SLC9A9: variants seen among roughly 807,000 people sequenced by gnomAD.
The protein encoded by SLC9A9 is solute carrier family 9 member A9.
A neutral mutation model predicts 77.8 loss-of-function variants in SLC9A9; 62 were observed. The ratio of observed to expected loss-of-function variants is 0.80; its 90% CI spans 0.65 to 0.98. The LOEUF is 0.98. SLC9A9 is among the 50% of genes least tolerant of loss of function. The probability of loss-of-function intolerance (pLI) is 0.00; values close to 1 mark genes in which losing one functional copy is unlikely to be tolerated. For synonymous variants in SLC9A9, 320 were observed against 283.5 expected (o/e 1.13, Z -1.29); for missense variants, 775 against 774.9 (o/e 1.00, Z 0.00).
At chr3:143,838,095 C>A (rs1460553264) in intron 1 of SLC9A9, among the ~76,000 whole-genome samples, 2 of 152,194 alleles carry the variant, frequency 1.3e-5, no homozygotes, top group Admixed American at 6.5e-5. Flanking sequence ...CTGTTACTTG[C>A]AACTGAATGC....
intron 4 of SLC9A9, among the ~76,000 whole-genome samples, chr3:143,705,035 C>CTATA (rs1933927970): frequency 6.4e-5 from 2 of 31,112 alleles, no homozygotes; most frequent in African/African-American, 1.1e-4. Flanking sequence ...ATCTATCTAT[C>CTATA]TATCTATATA....
intron 9 of SLC9A9, among the ~76,000 whole-genome samples, chr3:143,549,488 C>T (rs1335988448): frequency 1.3e-5 from 2 of 152,088 alleles, no homozygotes; most frequent in East Asian, 3.9e-4. Context: ...ATTTATTAAG[C>T]TTCTGCTATG....
At chr3:143,623,736 C>T (rs1225002251) in intron 6 of SLC9A9, among the ~76,000 whole-genome samples, 7 of 151,988 alleles carry the variant, frequency 4.6e-5, no homozygotes, top group East Asian at 1.9e-4. Context: ...CATTCAAAAG[C>T]GAGCAGAAGG....
intron 8 of SLC9A9, among the ~76,000 whole-genome samples, chr3:143,564,450 C>T (rs1280128846): frequency 6.6e-6 from 1 of 152,088 alleles, no homozygotes; most frequent in Non-Finnish European, 1.5e-5. Flanking sequence ...ATGTGTCTTG[C>T]ACTCAGATGG....
At chr3:143,593,855 A>G (rs183603147) in intron 6 of SLC9A9, among the ~76,000 whole-genome samples, 4 of 152,330 alleles carry the variant, frequency 2.6e-5, no homozygotes, top group South Asian at 2.1e-4. Context: ...AACCTCAACC[A>G]TGGGAAAAGT....
intron 12 of SLC9A9, among the ~76,000 whole-genome samples, chr3:143,462,764 A>G (rs1336667696): frequency 6.6e-6 from 1 of 152,206 alleles, no homozygotes; most frequent in Non-Finnish European, 1.5e-5. Flanking sequence ...TTGGTTTAAA[A>G]AGTACATTTC....
At chr3:143,465,126 C>A (rs1215413399) in intron 12 of SLC9A9, among the ~76,000 whole-genome samples, 1 of 152,254 alleles carries the variant, frequency 6.6e-6, no homozygotes, top group East Asian at 1.9e-4. Context: ...CCATTTGGAG[C>A]CGGTTCCTGC....
chr3:143,801,262 T>A (rs192593643), intron 2 of SLC9A9, among the ~76,000 whole-genome samples: 1 of 152,170 alleles, frequency 6.6e-6, no homozygotes, highest in African/African-American at 2.4e-5. Context: ...AGACCTTTTG[T>A]CCAAACAACT....
chr3:143,650,514 A>G (rs954624947), intron 6 of SLC9A9, among the ~76,000 whole-genome samples: 3 of 152,234 alleles, frequency 2.0e-5, no homozygotes, highest in African/African-American at 4.8e-5. Flanking sequence ...GGACCAGGAC[A>G]TGGCAGAGCT....
In SLC9A9 at chr3:143,674,003, T is replaced by C. The variant is rs117460691; in HGVS notation, c.649+19189A>G. Among the ~76,000 whole-genome samples, 499 of 152,270 alleles carry C rather than the reference T, an allele frequency of 3.3e-3. 6 individuals carry two copies. The East Asian group carries it at 0.045, about 14-fold the overall frequency. ...TGGAAATTTTATGTTCAGGAATAAATAGGAATATCATGATAGTGTTATCTA... is the reference window on the plus strand; with the variant it reads ...TGGAAATTTTATGTTCAGGAATAAACAGGAATATCATGATAGTGTTATCTA... On this transcript the variant is annotated intron_variant, in intron 5 of 15. Transcript: ENST00000316549.
At chr3:143,518,969 G>C (rs1445908313) in intron 9 of SLC9A9, among the ~76,000 whole-genome samples, 1 of 152,182 alleles carries the variant, frequency 6.6e-6, no homozygotes, top group Non-Finnish European at 1.5e-5. Context: ...AAATGTTCCA[G>C]CTGCTCCACA....
At chr3:143,724,470 C>T (rs58486910) in intron 4 of SLC9A9, among the ~76,000 whole-genome samples, 2,197 of 152,274 alleles carry the variant, frequency 0.014, 51 homozygotes, top group African/African-American at 0.051. Context: ...GTCTTCATTG[C>T]CCATTTCATT....
chr3:143,732,597 C>G (rs1257353471), intron 4 of SLC9A9, among the ~76,000 whole-genome samples: 1 of 152,212 alleles, frequency 6.6e-6, no homozygotes, highest in Non-Finnish European at 1.5e-5. Context: ...CCTCTGACCA[C>G]TCTGACTTTA....
chr3:143,434,644 TC>T (rs927483703), intron 12 of SLC9A9, among the ~76,000 whole-genome samples: 2 of 151,786 alleles, frequency 1.3e-5, no homozygotes, highest in African/African-American at 2.4e-5. Flanking sequence ...CTCCGGCCCA[TC>T]CCCCCCATCT....
At chr3:143,621,690 C>G (rs1025464109) in intron 6 of SLC9A9, among the ~76,000 whole-genome samples, 19 of 152,130 alleles carry the variant, frequency 1.2e-4, no homozygotes, top group Non-Finnish European at 2.9e-5. Context: ...AAACTGGAAA[C>G]TCTAAAAATC....
At chr3:143,796,058 C>A (rs1210787980) in intron 3 of SLC9A9, among the ~76,000 whole-genome samples, 1 of 152,176 alleles carries the variant, frequency 6.6e-6, no homozygotes, top group Non-Finnish European at 1.5e-5. Flanking sequence ...AGCTGAGCAG[C>A]AGAAGAGCAG....
intron 4 of SLC9A9, among the ~76,000 whole-genome samples, chr3:143,752,806 G>T (rs1413197798): frequency 1.3e-5 from 2 of 151,682 alleles, no homozygotes; most frequent in African/African-American, 4.8e-5. Context: ...GATAAGCTTT[G>T]CTCCCATAAT....
chr3:143,590,329 TA>T (rs1429040004), intron 6 of SLC9A9, among the ~76,000 whole-genome samples: 1 of 152,220 alleles, frequency 6.6e-6, no homozygotes, highest in Non-Finnish European at 1.5e-5. Context: ...ACTCCAAAAA[TA>T]TTAGCTGTTA....
At chr3:143,714,125 A>G (rs1934268625) in intron 4 of SLC9A9, among the ~76,000 whole-genome samples, 1 of 152,174 alleles carries the variant, frequency 6.6e-6, no homozygotes, top group Non-Finnish European at 1.5e-5. Flanking sequence ...TGCAAAACTC[A>G]TTTAACTCCT....
Sources: allele counts gnomAD v4.1 joint callset (sites outside exome capture counted in the v4.1 genomes callset), GRCh38; gene constraint gnomAD v4.1.1; transcripts MANE v1.5; gene names NCBI Gene and HGNC (gene_info 2026-07-23, HGNC 2026-07-21).